Variants in GBE1 observed in about 807,000 individuals in gnomAD.
GBE1 encodes 1,4-alpha-glucan branching enzyme 1.
A neutral mutation model predicts 88.8 loss-of-function variants in GBE1; 70 were observed. The ratio of observed to expected loss-of-function variants is 0.79; its 90% confidence interval spans 0.65 to 0.96. The LOEUF is 0.96. GBE1 is among the 40% of genes least tolerant of loss of function. GBE1 has a pLI of 0.00. For synonymous variants in GBE1, 284 were observed against 300.1 expected (o/e 0.95, Z 0.56); for missense variants, 872 against 871.0 (o/e 1.00, Z -0.01).
At chr3:81,675,422 G>A (rs1383659086) in intron 2 of GBE1, among the ~76,000 whole-genome samples, 1 of 151,942 alleles carries the variant, frequency 6.6e-6, no homozygotes, top group Non-Finnish European at 1.5e-5. Flanking sequence ...AGAGATCAAG[G>A]AATTTAAATG....
At chr3:81,750,602 T>TGTATATATATACGTATATATATATAC (rs1706498916) in intron 1 of GBE1, among the ~76,000 whole-genome samples, 1 of 28,996 alleles carries the variant, frequency 3.4e-5, no homozygotes, top group Non-Finnish European at 6.7e-5. Context: ...TATATATATG[T>TGTATATATATACGTATATATATATAC]GTATATATAT....
At chr3:81,607,513 C>T (rs1704120061) in intron 7 of GBE1, among the ~76,000 whole-genome samples, 1 of 152,144 alleles carries the variant, frequency 6.6e-6, no homozygotes, top group Non-Finnish European at 1.5e-5. Flanking sequence ...TGAGCCACTG[C>T]ACTCCAGCCT....
intron 2 of GBE1, among the ~76,000 whole-genome samples, chr3:81,687,551 A>G (rs1705458947): frequency 6.6e-6 from 1 of 152,220 alleles, no homozygotes; most frequent in East Asian, 1.9e-4. Flanking sequence ...GATTCTGAGG[A>G]GAGCAGTGAA....
intron 7 of GBE1, among the ~76,000 whole-genome samples, chr3:81,636,901 T>C (rs142497380): frequency 2.4e-3 from 360 of 152,188 alleles, no homozygotes; most frequent in African/African-American, 8.3e-3. Context: ...ACTTCAATTA[T>C]AAAAAAATTC....
At chr3:81,500,722 G>A (rs994838043) in intron 14 of GBE1, among the ~76,000 whole-genome samples, 2 of 152,176 alleles carry the variant, frequency 1.3e-5, no homozygotes, top group Admixed American at 6.6e-5. Flanking sequence ...TATTACAAGG[G>A]GTTGGGAATC....
Position 81,730,810 on chromosome 3 carries a change from A to C in GBE1, c.144-25197T>G, listed in dbSNP as rs1435946020. 2.0e-5 allele frequency among the ~76,000 whole-genome samples: 3 copies of C among 152,284 alleles called. No homozygotes were observed. In the East Asian group the frequency reaches 5.8e-4, roughly 29 times the overall value. The stretch of plus-strand genomic sequence containing the variant: ...CAATACGGAGGCAGCTGTGATTACA[A>C]ACTGAGCCTTGTGACCATCTACAGA... On this transcript the variant is annotated intron_variant, in intron 1 of 15. Coordinates refer to ENST00000429644, the MANE Select transcript of GBE1 (RefSeq NM_000158.4).
At chr3:81,679,434 G>A (rs1214732724) in intron 2 of GBE1, among the ~76,000 whole-genome samples, 1 of 152,110 alleles carries the variant, frequency 6.6e-6, no homozygotes, top group African/African-American at 2.4e-5. Flanking sequence ...TGATCAATCA[G>A]GGTTCACTAA....
chr3:81,610,500 T>A (rs935614710), intron 7 of GBE1, among the ~76,000 whole-genome samples: 2 of 152,170 alleles, frequency 1.3e-5, no homozygotes, highest in African/African-American at 4.8e-5. Flanking sequence ...AGGTTGATTA[T>A]CTTATTAAAA....
chr3:81,689,362 T>C (rs1033311194), intron 2 of GBE1, among the ~76,000 whole-genome samples: 4 of 152,240 alleles, frequency 2.6e-5, no homozygotes, highest in African/African-American at 4.8e-5. Flanking sequence ...TGGCAAGTTA[T>C]ATGGAGGCTT....
At chr3:81,666,731 C>T (rs911988660) in intron 3 of GBE1, among the ~76,000 whole-genome samples, 3 of 152,184 alleles carry the variant, frequency 2.0e-5, no homozygotes, top group African/African-American at 4.8e-5. Flanking sequence ...CTGCCACAAA[C>T]ATATCAATGT....
intron 7 of GBE1, among the ~76,000 whole-genome samples, chr3:81,628,169 C>T (rs1456788947): frequency 1.3e-5 from 2 of 152,074 alleles, no homozygotes; most frequent in African/African-American, 4.8e-5. Context: ...GTGTCTTCAA[C>T]TATCAATACG....
intron 7 of GBE1, among the ~76,000 whole-genome samples, chr3:81,602,361 A>C (rs1019203685): frequency 2.6e-5 from 4 of 152,180 alleles, no homozygotes; most frequent in African/African-American, 9.7e-5. Flanking sequence ...GGTATCTATT[A>C]AATTAACCAT....
chr3:81,710,153 A>G (rs1179694409), intron 1 of GBE1, among the ~76,000 whole-genome samples: 1 of 152,026 alleles, frequency 6.6e-6, no homozygotes, highest in African/African-American at 2.4e-5. Context: ...GGTAGATTTC[A>G]AGTTAAATCT....
At chr3:81,683,792 A>G (rs905591814) in intron 2 of GBE1, among the ~76,000 whole-genome samples, 21 of 152,156 alleles carry the variant, frequency 1.4e-4, no homozygotes, top group Admixed American at 1.3e-3. Flanking sequence ...CCTGACAAAG[A>G]ATTGAGGGAG....
chr3:81,694,409 G>A lies in GBE1; in HGVS notation c.313+11035C>T, dbSNP rs1358055746. Among the ~76,000 whole-genome samples, 21 of 152,162 alleles carry A rather than the reference G, an allele frequency of 1.4e-4. 1 individual carries two copies. Among genetic ancestry groups the A allele is most frequent in the Admixed American group, 1.4e-3 (21 of 15,274 alleles). ...GCAAATAAAATCAGAAATGGCTCTG[G>A]TGATTTATGTTCTTTTGACACAGCT... On this transcript the variant is annotated intron_variant, in intron 2 of 15. Coordinates refer to ENST00000429644, the MANE Select transcript of GBE1 (RefSeq NM_000158.4).
At chr3:81,515,594 C>T (rs530636526) in intron 14 of GBE1, among the ~76,000 whole-genome samples, 1 of 151,544 alleles carries the variant, frequency 6.6e-6, no homozygotes, top group Non-Finnish European at 1.5e-5. Context: ...AGGGGCATGT[C>T]TCTCACTTTA....
At chr3:81,616,264 A>C (rs1232757319) in intron 7 of GBE1, among the ~76,000 whole-genome samples, 1 of 152,144 alleles carries the variant, frequency 6.6e-6, no homozygotes, top group Non-Finnish European at 1.5e-5. Flanking sequence ...CAGTATTCTC[A>C]TGTCAAGTCT....
At chr3:81,726,978 C>A (rs142278941) in intron 1 of GBE1, among the ~76,000 whole-genome samples, 1 of 152,134 alleles carries the variant, frequency 6.6e-6, no homozygotes, top group Non-Finnish European at 1.5e-5. Flanking sequence ...GGGTCTACGT[C>A]ATGGTGACTT....
intron 7 of GBE1, among the ~76,000 whole-genome samples, chr3:81,610,986 A>G (rs1704174357): frequency 6.6e-6 from 1 of 151,436 alleles, no homozygotes. Flanking sequence ...AGATTTTGCC[A>G]GACATATACT....
Sources: gnomAD v4.1 joint callset for allele counts (sites outside exome capture counted in the v4.1 genomes callset) on GRCh38, gnomAD v4.1.1 for gene constraint, MANE v1.5 for transcripts, NCBI Gene and HGNC (gene_info 2026-07-23, HGNC 2026-07-21) for gene names.